NRCAM: variants seen among roughly 807,000 people sequenced by gnomAD.
The protein encoded by NRCAM is NgCAM-related cell adhesion molecule.
A neutral mutation model predicts 156.5 loss-of-function variants in NRCAM; 83 were observed. The ratio of observed to expected loss-of-function variants is 0.53; its 90% CI spans 0.44 to 0.64. The LOEUF is 0.64. Ranked by LOEUF, NRCAM falls within the 30% of genes least tolerant of loss-of-function variation. The probability of loss-of-function intolerance (pLI) is 0.00; values close to 1 mark genes in which losing one functional copy is unlikely to be tolerated. For missense variants in NRCAM, 1,417 were observed against 1,597.3 expected, an observed-to-expected ratio of 0.89 and a Z score of 1.92; for synonymous variants, 538 against 563.9, an observed-to-expected ratio of 0.95 and a Z score of 0.65.
chr7:108,307,745 T>C (rs1223389391), intron 3 of NRCAM, among the ~76,000 whole-genome samples: 2 of 152,046 alleles, frequency 1.3e-5, no homozygotes, highest in Non-Finnish European at 2.9e-5. Context: ...CATACTGCAT[T>C]ACCAGCAGGG....
At chr7:108,338,122 A>G (rs2154263244) in intron 2 of NRCAM, among the ~76,000 whole-genome samples, 1 of 152,324 alleles carries the variant, frequency 6.6e-6, no homozygotes, top group East Asian at 1.9e-4. Flanking sequence ...AGAGGCAGAA[A>G]GCTGTTGTCC....
At chr7:108,255,906 C>T (rs1413953925) in intron 3 of NRCAM, among the ~76,000 whole-genome samples, 2 of 51,854 alleles carry the variant, frequency 3.9e-5, no homozygotes, top group Admixed American at 1.9e-4. Context: ...CCGCCCCGTC[C>T]GGGAGGTGGG....
In NRCAM at chr7:108,177,757, C is replaced by G. The variant is rs151014031; in HGVS notation, c.2974+233G>C. Among the ~76,000 whole-genome samples, 361 of 149,690 alleles carry G rather than the reference C, an allele frequency of 2.4e-3. 3 individuals carry two copies. Among genetic ancestry groups the G allele is most frequent in the African/African-American group, 8.6e-3 (345 of 40,020 alleles). On this transcript the variant is annotated intron_variant, in intron 26 of 32. Transcript: ENST00000379028. ...TATGATACAAAATGATAGCTAGATA[C>G]AAAGACTAAGTTCTGGTGTTCCTTA...
chr7:108,403,857 C>G (rs986681639), intron 1 of NRCAM, among the ~76,000 whole-genome samples: 2 of 152,190 alleles, frequency 1.3e-5, no homozygotes, highest in Non-Finnish European at 2.9e-5. Context: ...TCATCGGTAT[C>G]CCCTTGCCAA....
chr7:108,425,915 T>G (rs1392183713), intron 1 of NRCAM, among the ~76,000 whole-genome samples: 2 of 152,256 alleles, frequency 1.3e-5, no homozygotes, highest in Non-Finnish European at 2.9e-5. Context: ...CTGCTTTCTC[T>G]CATTGCCACT....
chr7:108,185,306 CAT>C (rs1170158801), intron 20 of NRCAM, among the ~76,000 whole-genome samples: 1 of 152,152 alleles, frequency 6.6e-6, no homozygotes, highest in Non-Finnish European at 1.5e-5. Flanking sequence ...CTCAAACACA[CAT>C]GAGAAATAAT....
chr7:108,371,183 A>G (rs544721808), intron 2 of NRCAM, among the ~76,000 whole-genome samples: 1 of 152,298 alleles, frequency 6.6e-6, no homozygotes, highest in Non-Finnish European at 1.5e-5. Flanking sequence ...ATGAGAATTA[A>G]TTTTACCTAG....
rs146334898 is a variant in NRCAM, at chr7:108,312,473, A to G, written c.-107+192T>C. Among the ~76,000 whole-genome samples the G allele has an allele frequency of 9.2e-4, 140 of 152,220 alleles. 1 individual carries two copies. Among genetic ancestry groups the G allele is most frequent in the African/African-American group, 3.1e-3 (130 of 41,548 alleles). On this transcript the variant is annotated intron_variant, in intron 3 of 32. Coordinates refer to ENST00000379028, the MANE Select transcript of NRCAM (RefSeq NM_001037132.4). The stretch of plus-strand genomic sequence containing the variant: ...TGAGGGCTGGTTTACTTCCCTATGT[A>G]TTTGATCTATCTTCTTTGACATTGG...
chr7:108,254,550 G>A (rs1230367409), intron 3 of NRCAM, among the ~76,000 whole-genome samples: 1 of 100,222 alleles, frequency 1.0e-5, no homozygotes, highest in Non-Finnish European at 2.0e-5. Context: ...AAACAATTTT[G>A]CTTTTTTTTT....
chr7:108,220,633 T>C (rs12534706), intron 11 of NRCAM, among the ~76,000 whole-genome samples: 36,409 of 152,010 alleles, frequency 0.24, 4,606 homozygotes, highest in Non-Finnish European at 0.28. Flanking sequence ...GTTGGGATAA[T>C]TGGCTAGCCA....
chr7:108,374,493 A>C (rs1356588483), intron 2 of NRCAM, among the ~76,000 whole-genome samples: 1 of 152,152 alleles, frequency 6.6e-6, no homozygotes, highest in Non-Finnish European at 1.5e-5. Flanking sequence ...CTGTTCCCAG[A>C]ATGAACAACA....
At chr7:108,364,790 A>G (rs551353013) in intron 2 of NRCAM, among the ~76,000 whole-genome samples, 1 of 148,870 alleles carries the variant, frequency 6.7e-6, no homozygotes, top group African/African-American at 2.5e-5. Flanking sequence ...AACTAGGCAA[A>G]TCCACAGAAA....
chr7:108,185,076 T>C (rs1044436578), intron 20 of NRCAM, among the ~76,000 whole-genome samples: 3 of 152,118 alleles, frequency 2.0e-5, no homozygotes, highest in African/African-American at 7.2e-5. Flanking sequence ...AAATTAAATA[T>C]AGTGAGTGCC....
intron 19 of NRCAM, among the ~76,000 whole-genome samples, chr7:108,190,371 T>G (rs1009163462): frequency 1.3e-5 from 2 of 152,186 alleles, no homozygotes; most frequent in African/African-American, 4.8e-5. Flanking sequence ...CTTCTAATGG[T>G]GCTTCTGAGA....
intron 32 of NRCAM, among the ~76,000 whole-genome samples, chr7:108,155,101 TACACACACACACACAC>T (rs58111040): frequency 2.4e-5 from 3 of 123,100 alleles, no homozygotes; most frequent in African/African-American, 3.5e-5. Context: ...TATATATATA[TACACACACACACACAC>T]ACACACACAC....
At chr7:108,195,395 G>A (rs533363765) in intron 15 of NRCAM, among the ~76,000 whole-genome samples, 2 of 152,168 alleles carry the variant, frequency 1.3e-5, no homozygotes, top group South Asian at 2.1e-4. Context: ...AGGCTGAGGC[G>A]GGCGGATAAT....
chr7:108,273,541 G>A (rs1006603140), intron 3 of NRCAM, among the ~76,000 whole-genome samples: 8 of 152,168 alleles, frequency 5.3e-5, no homozygotes, highest in African/African-American at 1.7e-4. Context: ...CTGCATAAAT[G>A]TCTTCTTTTG....
chr7:108,244,472 A>G (rs1005039547), intron 3 of NRCAM, among the ~76,000 whole-genome samples: 6 of 152,150 alleles, frequency 3.9e-5, no homozygotes, highest in African/African-American at 1.4e-4. Flanking sequence ...AAGTACACAA[A>G]TGCACATCTC....
intron 1 of NRCAM, among the ~76,000 whole-genome samples, chr7:108,415,655 T>A (rs530057383): frequency 2.8e-4 from 43 of 152,104 alleles, no homozygotes; most frequent in African/African-American, 1.0e-3. Context: ...CCAAGGTGGG[T>A]GGATCATCTG....
Sources: gnomAD v4.1 joint callset for allele counts (sites outside exome capture counted in the v4.1 genomes callset) on GRCh38, gnomAD v4.1.1 for gene constraint, MANE v1.5 for transcripts, NCBI Gene and HGNC (gene_info 2026-07-23, HGNC 2026-07-21) for gene names.